The following CHN2 variants were observed in gnomAD, a reference collection of about 807,000 sequenced individuals.
CHN2 encodes chimerin 2, also known as beta-chimaerin.
In CHN2, 35 loss-of-function variants were observed where a neutral mutation model predicts 56.3. The observed-to-expected ratio is 0.62, with a 90% CI of 0.47 to 0.82. The LOEUF is 0.82. Ranked by LOEUF, CHN2 falls within the 40% of genes least tolerant of loss-of-function variation. The pLI, the probability that CHN2 is intolerant of heterozygous loss-of-function variation, is 0.00. For missense variants in CHN2, 491 were observed against 580.5 expected, an observed-to-expected ratio of 0.85 and a Z score of 1.58; for synonymous variants, 210 against 212.8, an observed-to-expected ratio of 0.99 and a Z score of 0.12.
intron 1 of CHN2, among the ~76,000 whole-genome samples, chr7:29,202,557 A>G (rs1426966849): frequency 6.6e-6 from 1 of 152,230 alleles, no homozygotes; most frequent in South Asian, 2.1e-4. Context: ...TTCAGAAACT[A>G]TAATAACCAA....
chr7:29,341,296 C>A (rs1797038943), intron 1 of CHN2, among the ~76,000 whole-genome samples: 1 of 152,174 alleles, frequency 6.6e-6, no homozygotes, highest in Non-Finnish European at 1.5e-5. Flanking sequence ...GCCTGTAAGA[C>A]AAACAAGGAT....
intron 1 of CHN2, among the ~76,000 whole-genome samples, chr7:29,269,136 T>C (rs1013367245): frequency 2.0e-5 from 3 of 152,196 alleles, no homozygotes; most frequent in African/African-American, 7.2e-5. Flanking sequence ...CACTCTATTG[T>C]GCTACTGAAC....
intron 6 of CHN2, among the ~76,000 whole-genome samples, chr7:29,407,033 G>A (rs182614552): frequency 1.2e-3 from 180 of 152,218 alleles, no homozygotes; most frequent in African/African-American, 4.2e-3. Context: ...AGCATCTCCC[G>A]CACCGTCTCT....
chr7:29,442,800 T>A (rs1039601543), intron 6 of CHN2, among the ~76,000 whole-genome samples: 12 of 152,190 alleles, frequency 7.9e-5, no homozygotes, highest in African/African-American at 2.7e-4. Flanking sequence ...ACTGCATACA[T>A]ACGAGGTCGT....
At chr7:29,472,870 G>A (rs1247660476) in intron 6 of CHN2, among the ~76,000 whole-genome samples, 2 of 152,240 alleles carry the variant, frequency 1.3e-5, no homozygotes, top group Non-Finnish European at 2.9e-5. Context: ...TGGGCTGTGG[G>A]CAGCCAGCAC....
chr7:29,420,091 TA>T (rs1301894744), intron 6 of CHN2, among the ~76,000 whole-genome samples: 1 of 151,630 alleles, frequency 6.6e-6, no homozygotes, highest in Admixed American at 6.6e-5. Context: ...TCACACCTAT[TA>T]GGATAGCTAC....
Position 29,437,597 on chromosome 7 carries a change from C to CAAAAAAAAA in CHN2, c.576+36777_576+36785dup, listed in dbSNP as rs11436612. On this transcript the variant is annotated intron_variant, in intron 6 of 12. Coordinates refer to ENST00000222792, the MANE Select transcript of CHN2 (RefSeq NM_004067.4). ...TGGGCGACAGAGCGAGACTCCGTCT[C>CAAAAAAAAA]AAAAAAAAAAAAAAAAGATATCTAA... 3.0e-4 allele frequency among the ~76,000 whole-genome samples: 16 copies of CAAAAAAAAA among 52,598 alleles called. No homozygotes were observed. In the East Asian group the frequency reaches 6.4e-3, roughly 21 times the overall value. The allele number at this position is 52,598 out of a possible 152,430, so 34.5% of individuals were successfully genotyped here.
chr7:29,146,671 C>T, exon 1 of CHN2: 1 of 1,550,656 alleles, frequency 6.4e-7, no homozygotes, highest in Non-Finnish European at 8.7e-7. Context: ...CAGCGCTTCC[C>T]ATGCTGGAAG....
chr7:29,219,358 A>G (rs1785595203), intron 1 of CHN2, among the ~76,000 whole-genome samples: 1 of 152,222 alleles, frequency 6.6e-6, no homozygotes, highest in Admixed American at 6.5e-5. Context: ...CTCAATTAAA[A>G]TGCTAATAAG....
chr7:29,441,105 C>A (rs941446286), intron 6 of CHN2, among the ~76,000 whole-genome samples: 1 of 152,078 alleles, frequency 6.6e-6, no homozygotes, highest in African/African-American at 2.4e-5. Context: ...AATCAAAGTA[C>A]ACAAAGCCTC....
In CHN2 at chr7:29,492,851, C is replaced by CT. The variant is rs1242390048; in HGVS notation, c.655-3099dup. ...ATTTAGTACTTATTTCATTGAACCTCTTATCAGCATTCAACATAATTGACC... is the reference window on the plus strand; with the variant it reads ...ATTTAGTACTTATTTCATTGAACCTCTTTATCAGCATTCAACATAATTGACC... On this transcript the variant is annotated intron_variant, in intron 7 of 12. Transcript: ENST00000222792. Among the ~76,000 whole-genome samples, 4 of 152,202 alleles carry CT rather than the reference C, an allele frequency of 2.6e-5. No individual in the cohort carries two copies. The East Asian group carries it at 7.7e-4, about 29-fold the overall frequency.
chr7:29,233,840 T>TA lies in CHN2; in HGVS notation c.49+38850_49+38851insA, dbSNP rs1270863510. 4.2e-4 allele frequency among the ~76,000 whole-genome samples: 44 copies of TA among 103,864 alleles called. 2 individuals carry two copies. The highest frequency in any genetic ancestry group is 1.5e-3 in the African/African-American group (42 of 27,376). The allele number at this position is 103,864 out of a possible 152,430, so 68.1% of individuals were successfully genotyped here. A position where few individuals can be genotyped will look rare whatever the true frequency, so the allele number is the denominator to read the frequency against. ...CAACACCTTGATTTTTTTTTTTTTT[T>TA]TTTTTTTTTTTGAGATGGAGTCTCG... is the stretch of plus-strand genomic sequence containing the variant. On this transcript the variant is annotated intron_variant, in intron 1 of 12. Coordinates refer to ENST00000222792, the MANE Select transcript of CHN2 (RefSeq NM_004067.4).
intron 2 of CHN2, among the ~76,000 whole-genome samples, chr7:29,175,209 C>G (rs1201131023): frequency 6.6e-6 from 1 of 151,030 alleles, no homozygotes; most frequent in Non-Finnish European, 1.5e-5. Flanking sequence ...GGGCCTCTCT[C>G]TGTCACCCAG....
chr7:29,272,036 G>A (rs1267008245), intron 1 of CHN2, among the ~76,000 whole-genome samples: 1 of 152,170 alleles, frequency 6.6e-6, no homozygotes, highest in Non-Finnish European at 1.5e-5. Flanking sequence ...TGTTTGCAAG[G>A]AGGGCTTCCA....
intron 3 of CHN2, among the ~76,000 whole-genome samples, chr7:29,382,874 A>G (rs1213045287): frequency 6.6e-6 from 1 of 152,230 alleles, no homozygotes; most frequent in Non-Finnish European, 1.5e-5. Flanking sequence ...ATAATATCCT[A>G]GAAGTATGAG....
At chr7:29,309,974 A>C (rs1794463204) in intron 1 of CHN2, among the ~76,000 whole-genome samples, 2 of 152,176 alleles carry the variant, frequency 1.3e-5, no homozygotes, top group African/African-American at 4.8e-5. Flanking sequence ...CCCTGCCTCA[A>C]ATGGGCCTCT....
chr7:29,479,966 C>A, intron 6 of CHN2: 2 of 1,455,766 alleles, frequency 1.4e-6, no homozygotes, highest in Non-Finnish European at 1.8e-6. Flanking sequence ...CTGGGCCTTT[C>A]AGGTCACATG....
At position 29,305,837 on chromosome 7, in the gene CHN2, CCTT is replaced by C. The variant is rs555672408; in HGVS notation, c.50-48787_50-48785del. ...TCGTCTTTCTCCTCCTCCTCCTCCT[CCTT>C]TTCCTTTCTCTCTTTCTCCCCTCTT... On this transcript the variant is annotated intron_variant, in intron 1 of 12. Coordinates refer to ENST00000222792, the MANE Select transcript of CHN2 (RefSeq NM_004067.4). 1.7e-3 allele frequency among the ~76,000 whole-genome samples: 250 copies of C among 151,076 alleles called. 1 individual carries two copies. The highest frequency in any genetic ancestry group is 5.6e-3 in the African/African-American group (230 of 41,042).
intron 1 of CHN2, among the ~76,000 whole-genome samples, chr7:29,239,859 C>T (rs1163319692): frequency 1.3e-5 from 2 of 152,194 alleles, no homozygotes; most frequent in Non-Finnish European, 2.9e-5. Flanking sequence ...CTGGTCCCCT[C>T]CCACAAAGTG....
Sources: gnomAD v4.1 joint callset for allele counts (sites outside exome capture counted in the v4.1 genomes callset) on GRCh38, gnomAD v4.1.1 for gene constraint, MANE v1.5 for transcripts, NCBI Gene and HGNC (gene_info 2026-07-23, HGNC 2026-07-21) for gene names.